Variants in UEVLD observed in about 807,000 individuals in gnomAD.
UEVLD encodes the protein ubiquitin-conjugating enzyme E2 variant 3.
UEVLD carries 47 observed loss-of-function variants against 58.6 expected under a neutral mutation model. The ratio of observed to expected loss-of-function variants is 0.80; its 90% CI spans 0.63 to 1.02. The LOEUF (loss-of-function observed/expected upper bound fraction) is 1.02, where lower values mean the gene tolerates loss of function less well. UEVLD is among the 50% of genes least tolerant of loss of function. UEVLD has a pLI of 0.00. For missense variants in UEVLD, 510 were observed against 550.6 expected, an observed-to-expected ratio of 0.93 and a Z score of 0.74; for synonymous variants, 197 against 195.3, an observed-to-expected ratio of 1.01 and a Z score of -0.07.
intron 11 of UEVLD, 69 bp from the exon 12 acceptor site, chr11:18,532,556 C>A: frequency 7.9e-7 from 1 of 1,268,076 alleles, no homozygotes; most frequent in Non-Finnish European, 1.1e-6. Flanking sequence ...AAAATGCATA[C>A]TTTCTTGCTT....
At chr11:18,560,074 G>T (rs1484214293) in intron 6 of UEVLD, among the ~76,000 whole-genome samples, 1 of 68,000 alleles carries the variant, frequency 1.5e-5, no homozygotes, top group African/African-American at 4.5e-5. Context: ...TGGGCAACAT[G>T]GCAAAACCCC....
chr11:18,578,945 G>A, intron 1 of UEVLD, 137 bp from the exon 2 acceptor site: 2 of 570,732 alleles, frequency 3.5e-6, no homozygotes, highest in Non-Finnish European at 6.0e-6. Context: ...TCAGCTCACT[G>A]CAACCTCCGT....
chr11:18,559,093 C>CA (rs2134006085), intron 6 of UEVLD, among the ~76,000 whole-genome samples: 1 of 152,216 alleles, frequency 6.6e-6, no homozygotes, highest in South Asian at 2.1e-4. Flanking sequence ...AGGCTCATCA[C>CA]AAACTCCTGA....
chr11:18,588,730 C>A lies in UEVLD; in HGVS notation c.-76G>T, dbSNP rs1163823374. ...TTCCGGACTTGCTGCAGGACGGAAG[C>A]CGCTGAGGACCAAACTTCCCGGCGG... On this transcript the variant is annotated 5_prime_UTR_variant, in exon 1 of 12. Coordinates refer to ENST00000396197, the MANE Select transcript of UEVLD (RefSeq NM_001040697.4). 4.3e-5 allele frequency: 65 copies of A among 1,525,970 alleles called. 1 individual carries two copies. The highest frequency in any genetic ancestry group is 5.3e-5 in the Non-Finnish European group (60 of 1,134,070). The allele number at this position is 1,525,970 out of a possible 1,614,324, so 94.5% of individuals were successfully genotyped here.
intron 6 of UEVLD, among the ~76,000 whole-genome samples, chr11:18,564,569 TTAC>T (rs1486119697): frequency 1.3e-4 from 20 of 151,530 alleles, no homozygotes; most frequent in African/African-American, 3.9e-4. Flanking sequence ...AGAGCTAAAA[TTAC>T]TACATTAAAT....
At chr11:18,579,323 G>T in intron 1 of UEVLD, 1 of 371,992 alleles carries the variant, frequency 2.7e-6, no homozygotes, top group Non-Finnish European at 3.7e-6. Context: ...GAAAGCTAGA[G>T]AATCAAAGTA....
chr11:18,544,918 G>GTA (rs1394923882), intron 8 of UEVLD, 122 bp from the exon 9 acceptor site: 64 of 549,684 alleles, frequency 1.2e-4, no homozygotes, highest in African/African-American at 1.6e-4. Context: ...GGCATTATAT[G>GTA]TATATATATA....
chr11:18,564,794 C>T, intron 6 of UEVLD, 98 bp downstream of exon 6: 7 of 732,946 alleles, frequency 9.6e-6, no homozygotes, highest in South Asian at 7.0e-5. Context: ...TAAGGTTTTC[C>T]CACGACAAAA....
At chr11:18,556,681 T>C (rs1851767993) in intron 7 of UEVLD, among the ~76,000 whole-genome samples, 1 of 152,188 alleles carries the variant, frequency 6.6e-6, no homozygotes, top group Admixed American at 6.6e-5. Flanking sequence ...TTTTGGATCA[T>C]GCATCCTTGG....
intron 7 of UEVLD, 52 bp from the exon 8 acceptor site, chr11:18,547,102 T>C (rs1312965995): frequency 1.3e-6 from 2 of 1,552,774 alleles, no homozygotes; most frequent in East Asian, 4.5e-5. Context: ...TTTAATCAAG[T>C]TCTAGTTCAC....
rs893191067 is a variant in UEVLD at position 18,564,762 on chromosome 11, C to T, written c.612+130G>A. On this transcript the variant is annotated intron_variant, in intron 6 of 11. Transcript: ENST00000396197. ...AGCTTTCAACTTTTTTGTCAACTTACTAAATATATTTTAAGCCAAAATAAG... is the reference window on the plus strand; with the variant it reads ...AGCTTTCAACTTTTTTGTCAACTTATTAAATATATTTTAAGCCAAAATAAG... The T allele has an allele frequency of 1.3e-5, 8 of 597,590 alleles. No individual in the cohort carries two copies. In the Admixed American group the frequency reaches 2.6e-4, roughly 19 times the overall value. The allele number at this position is 597,590 out of a possible 1,614,324, so 37.0% of individuals were successfully genotyped here.
intron 7 of UEVLD, among the ~76,000 whole-genome samples, chr11:18,557,698 GGA>G (rs1851818458): frequency 6.6e-6 from 1 of 151,722 alleles, no homozygotes; most frequent in Non-Finnish European, 1.5e-5. Context: ...CACGTAGCTG[GGA>G]CTACAGTCAT....
chr11:18,570,335 G>C lies in UEVLD; in HGVS notation c.236C>G (p.Ser79Cys), dbSNP rs1852535118. 1.3e-6 allele frequency: 2 copies of C among 1,576,628 alleles called. No individual in the cohort carries two copies. Among genetic ancestry groups the C allele is most frequent in the Non-Finnish European group, 8.6e-7 (1 of 1,169,548 alleles). ...NIPIRFWILDSHPFAPPICFL... is the reference protein window; with the variant it reads ...NIPIRFWILDCHPFAPPICFL... ...GCAAATAGGGGGAGCGAAAGGGTGAGAATCCAAAATCCAGAAACGAATTGG... is the reference window on the plus strand; with the variant it reads ...GCAAATAGGGGGAGCGAAAGGGTGACAATCCAAAATCCAGAAACGAATTGG... The change falls in exon 4 of 12, where the codon TCT becomes TGT. Residue 79 changes from serine to cysteine, a missense_variant. Physicochemically the swap from Ser to Cys is moderately radical, Grantham distance 112 (BLOSUM62 -1). Transcript: ENST00000396197.
intron 3 of UEVLD, among the ~76,000 whole-genome samples, chr11:18,572,648 T>C (rs369098975): frequency 6.6e-6 from 1 of 151,760 alleles, no homozygotes; most frequent in Non-Finnish European, 1.5e-5. Context: ...CTATTAAAAA[T>C]ACAAAATTAG....
At chr11:18,587,774 G>A (rs7102116) in intron 1 of UEVLD, 147,762 of 151,796 alleles carry the variant, frequency 0.97, 71,941 homozygotes, top group East Asian at 1. Context: ...CTGCACTCCA[G>A]CCTGGGGGAC....
At chr11:18,554,913 G>C (rs1383859203) in intron 7 of UEVLD, among the ~76,000 whole-genome samples, 1 of 152,152 alleles carries the variant, frequency 6.6e-6, no homozygotes, top group Non-Finnish European at 1.5e-5. Flanking sequence ...TTCCAAATGA[G>C]CTTTAATTCC....
intron 1 of UEVLD, among the ~76,000 whole-genome samples, chr11:18,583,285 AT>A (rs915331489): frequency 7.0e-6 from 1 of 143,738 alleles, no homozygotes; most frequent in Non-Finnish European, 1.5e-5. Flanking sequence ...CAGTGGCGCT[AT>A]CTTGGCTCAC....
At chr11:18,576,298 A>G (rs1852906047) in intron 2 of UEVLD, among the ~76,000 whole-genome samples, 1 of 152,134 alleles carries the variant, frequency 6.6e-6, no homozygotes, top group Non-Finnish European at 1.5e-5. Context: ...CACACCTGTA[A>G]TCCCAGCACC....
At chr11:18,576,896 T>C (rs1205120457) in intron 2 of UEVLD, among the ~76,000 whole-genome samples, 1 of 152,110 alleles carries the variant, frequency 6.6e-6, no homozygotes, top group Non-Finnish European at 1.5e-5. Context: ...AACAGTAAAA[T>C]TCCAGGTCTG....
Sources: gnomAD v4.1 joint callset for allele counts (sites outside exome capture counted in the v4.1 genomes callset) on GRCh38, gnomAD v4.1.1 for gene constraint, MANE v1.5 for transcripts, NCBI Gene and HGNC (gene_info 2026-07-23, HGNC 2026-07-21) for gene names.